Variants in VWA8 observed in about 807,000 individuals in gnomAD.
VWA8 encodes the protein von Willebrand factor A domain-containing protein 8.
A neutral mutation model predicts 241.5 loss-of-function variants in VWA8; 221 were observed. That is an observed-to-expected ratio of 0.91 (90% CI 0.82 to 1.02). The LOEUF is 1.02. Among genes scored for constraint, VWA8 ranks in the 50% least tolerant of loss-of-function variants. The probability of loss-of-function intolerance (pLI) is 0.00; values close to 1 mark genes in which losing one functional copy is unlikely to be tolerated. For missense variants in VWA8, 2,322 were observed against 2,328.7 expected, an observed-to-expected ratio of 1.00 and a Z score of 0.06; for synonymous variants, 852 against 827.1, an observed-to-expected ratio of 1.03 and a Z score of -0.52.
chr13:41,615,179 G>A (rs1208789924), intron 37 of VWA8, 95 bp from the exon 38 acceptor site: 1 of 1,277,158 alleles, frequency 7.8e-7, no homozygotes, highest in Non-Finnish European at 1.1e-6. Flanking sequence ...AAGTCCTTAA[G>A]GTATCACATA....
intron 39 of VWA8, among the ~76,000 whole-genome samples, chr13:41,607,984 T>A (rs1220190014): frequency 3.9e-5 from 6 of 151,960 alleles, no homozygotes; most frequent in Non-Finnish European, 7.4e-5. Context: ...CACACACACA[T>A]GCAATGTTGG....
chr13:41,574,115 A>AAAAT (rs938951451), intron 43 of VWA8, among the ~76,000 whole-genome samples: 24 of 152,168 alleles, frequency 1.6e-4, no homozygotes, highest in African/African-American at 5.5e-4. Context: ...GCAAAAATTA[A>AAAAT]AAATAAACTT....
At chr13:41,677,816 T>G (rs1344617754) in intron 35 of VWA8, among the ~76,000 whole-genome samples, 1 of 151,010 alleles carries the variant, frequency 6.6e-6, no homozygotes, top group Non-Finnish European at 1.5e-5. Context: ...CCATCTTTTA[T>G]TACAATTTCT....
intron 17 of VWA8, among the ~76,000 whole-genome samples, chr13:41,790,771 C>T (rs907704197): frequency 2.6e-5 from 4 of 151,762 alleles, no homozygotes; most frequent in Non-Finnish European, 5.9e-5. Flanking sequence ...CCTGTAGTTC[C>T]TCAGGTTTAC....
At chr13:41,676,054 A>G (rs2137803501) in intron 35 of VWA8, among the ~76,000 whole-genome samples, 1 of 152,220 alleles carries the variant, frequency 6.6e-6, no homozygotes, top group East Asian at 1.9e-4. Context: ...AAAAGTCCCT[A>G]AAGTTTAAAA....
At chr13:41,597,177 G>A (rs745486348) in intron 40 of VWA8, among the ~76,000 whole-genome samples, 2 of 152,050 alleles carry the variant, frequency 1.3e-5, no homozygotes, top group African/African-American at 2.4e-5. Flanking sequence ...GGGTACCTGT[G>A]AACAGCGATT....
intron 1 of VWA8, among the ~76,000 whole-genome samples, chr13:41,951,973 G>GA (rs947149988): frequency 1.3e-4 from 20 of 152,250 alleles, no homozygotes; most frequent in African/African-American, 4.8e-4. Flanking sequence ...CTGGCAGCCA[G>GA]AAAAAAGCAA....
chr13:41,624,523 T>C (rs2044676216), intron 37 of VWA8, among the ~76,000 whole-genome samples: 1 of 152,046 alleles, frequency 6.6e-6, no homozygotes, highest in Non-Finnish European at 1.5e-5. Context: ...GTTCAACATA[T>C]ACAAATCAAT....
chr13:41,725,121 G>C (rs969826460), intron 24 of VWA8, among the ~76,000 whole-genome samples: 44 of 152,004 alleles, frequency 2.9e-4, no homozygotes, highest in African/African-American at 1.1e-3. Context: ...CAAGCTAAGA[G>C]AGGAAAAGGG....
At chr13:41,924,718 G>A (rs942318793) in intron 2 of VWA8, among the ~76,000 whole-genome samples, 1 of 150,240 alleles carries the variant, frequency 6.7e-6, no homozygotes, top group Admixed American at 6.6e-5. Flanking sequence ...AGTGGATACA[G>A]TTCTCCCACA....
rs1307493586 is a variant in VWA8 at position 41,912,183 on chromosome 13, G to A, written c.242-15C>T. 22 of 1,570,262 alleles carry A rather than the reference G, an allele frequency of 1.4e-5. No homozygotes were observed. Among genetic ancestry groups the A allele is most frequent in the Non-Finnish European group, 1.8e-5 (21 of 1,158,990 alleles). On this transcript the variant is annotated splice_polypyrimidine_tract_variant and intron_variant, in intron 2 of 44. Transcript: ENST00000379310. ...AGAGTCTGAAACTATAAAGAAAAAA[G>A]AGAAAATGAAGTGCAAATTTAAGTA...
chr13:41,773,786 G>T lies in VWA8; in HGVS notation c.2349+4199C>A, dbSNP rs185437729. On this transcript the variant is annotated intron_variant, in intron 20 of 44. Transcript: ENST00000379310. ...CCTGGTAAATGCAAGCACAGGCAAA[G>T]TTATGTATGATTTAATTAGCTAAAT... 3.3e-5 allele frequency among the ~76,000 whole-genome samples: 5 copies of T among 152,306 alleles called. No individual in the cohort carries two copies. The East Asian group carries it at 7.7e-4, about 24-fold the overall frequency.
intron 20 of VWA8, 103 bp from the exon 21 acceptor site, chr13:41,761,307 G>A: frequency 9.1e-7 from 1 of 1,102,894 alleles, no homozygotes; most frequent in South Asian, 1.4e-5. Context: ...TTCTCACCTT[G>A]TTACTGTTTT....
rs1354752268 is a variant in VWA8, at chr13:41,774,593, TCTAA to T, written c.2349+3388_2349+3391del. ...TAGAGATGGTGGGTAAATACATAAA[TCTAA>T]CTAAATCCCAAAAGAAATCTGTAAG... On this transcript the variant is annotated intron_variant, in intron 20 of 44. Transcript: ENST00000379310. Among the ~76,000 whole-genome samples, 16 of 152,306 alleles carry T rather than the reference TCTAA, an allele frequency of 1.1e-4. No individual in the cohort carries two copies. In the East Asian group the frequency reaches 2.9e-3, roughly 28 times the overall value.
Position 41,816,703 on chromosome 13 carries a change from G to T in VWA8, c.1942C>A (p.Pro648Thr). The stretch of plus-strand genomic sequence containing the variant: ...TGGAAAAAGCCTAGACTTACCGTTG[G>T]ATCCTGTGTTTCTCTGAGTTTGTGT... ...FTHKLRETQD[P>T]TAQSLAASLS... Residue 648 changes from proline to threonine, a missense_variant, in exon 16 of 45, where the codon CCA becomes ACA. By Grantham distance (38) the Pro-to-Thr change is conservative (BLOSUM62 -1). Transcript: ENST00000379310. 1 of 1,613,298 alleles carries T rather than the reference G, an allele frequency of 6.2e-7. No homozygotes were observed. Among genetic ancestry groups the T allele is most frequent in the Non-Finnish European group, 8.5e-7 (1 of 1,179,522 alleles).
chr13:41,726,116 T>C (rs1358111575), intron 24 of VWA8, among the ~76,000 whole-genome samples: 4 of 152,138 alleles, frequency 2.6e-5, no homozygotes, highest in Non-Finnish European at 4.4e-5. Flanking sequence ...CAATTACTAT[T>C]TTGAGTATTG....
At chr13:41,701,123 C>T (rs1232949567) in intron 28 of VWA8, among the ~76,000 whole-genome samples, 1 of 152,178 alleles carries the variant, frequency 6.6e-6, no homozygotes, top group Non-Finnish European at 1.5e-5. Context: ...ATTTTTAGCA[C>T]ATGCCTGGGT....
chr13:41,863,838 A>G (rs569883593), intron 12 of VWA8, among the ~76,000 whole-genome samples: 1 of 152,178 alleles, frequency 6.6e-6, no homozygotes, highest in East Asian at 1.9e-4. Context: ...GGGTTGAAAA[A>G]CTATCAGATA....
chr13:41,574,186 A>AAAG (rs1347562842), intron 43 of VWA8, among the ~76,000 whole-genome samples: 1 of 151,694 alleles, frequency 6.6e-6, no homozygotes, highest in East Asian at 1.9e-4. Context: ...AAAAAAAAAA[A>AAAG]AAAGAAAACC....
Sources: allele counts gnomAD v4.1 joint callset (sites outside exome capture counted in the v4.1 genomes callset), GRCh38; gene constraint gnomAD v4.1.1; transcripts MANE v1.5; gene names NCBI Gene and HGNC (gene_info 2026-07-23, HGNC 2026-07-21).